MRTFB: variants seen among roughly 807,000 people sequenced by gnomAD.
The protein encoded by MRTFB is myocardin-related transcription factor B.
MRTFB carries 29 observed loss-of-function variants against 104.2 expected under a neutral mutation model. The observed-to-expected ratio is 0.28, with a 90% CI of 0.21 to 0.38. MRTFB has a LOEUF of 0.38. Among genes scored for constraint, MRTFB ranks in the 10% least tolerant of loss-of-function variants. MRTFB has a pLI of 1.00. For missense variants in MRTFB, 1,270 were observed against 1,341.6 expected (o/e 0.95, Z 0.83); for synonymous variants, 535 against 519.5 (o/e 1.03, Z -0.41).
Position 14,245,641 on chromosome 16 carries a change from C to G in MRTFB, c.1193C>G (p.Ser398Cys), listed in dbSNP as rs2042979898. 6.2e-7 allele frequency: 1 copy of G among 1,613,200 alleles called. No individual in the cohort carries two copies. Among genetic ancestry groups the G allele is most frequent in the Non-Finnish European group, 8.5e-7 (1 of 1,179,848 alleles). The change falls in exon 11 of 17, where the codon TCT (serine) becomes TGT (cysteine). Residue 398 changes from serine to cysteine, a missense_variant. This residue lies in a region of MRTFB where 1,144 missense variants were observed against 1,131.5 expected (regional missense o/e 1.01). Transcript: ENST00000571589. Reference sequence around the variant, plus strand: ...GTGAGAAAGCCAGGACCTCTGCCTTCTAGCCTGGATGACTTAAAGGTGACA... The same window carrying G: ...GTGAGAAAGCCAGGACCTCTGCCTTGTAGCCTGGATGACTTAAAGGTGACA... The part of the protein sequence containing the change: ...TPVRKPGPLP[S>C]SLDDLKVSEL...
intron 3 of MRTFB, among the ~76,000 whole-genome samples, chr16:14,175,066 G>A (rs939691043): frequency 6.6e-6 from 1 of 152,010 alleles, no homozygotes; most frequent in African/African-American, 2.4e-5. Context: ...TTAAAGTTTT[G>A]TAATAGTAAA....
intron 4 of MRTFB, among the ~76,000 whole-genome samples, chr16:14,210,832 C>T (rs752571041): frequency 1.8e-4 from 28 of 152,246 alleles, no homozygotes; most frequent in Non-Finnish European, 3.1e-4. Context: ...TCCCTTCTAT[C>T]CCTAGGGTTT....
chr16:14,003,648 C>G, the MRTFB span, among the ~76,000 whole-genome samples: 804 of 10,552 alleles, frequency 0.076, 2 homozygotes, highest in Non-Finnish European at 0.18. Flanking sequence ...CTGCCTCCCT[C>G]CCTCCCTCCC....
At chr16:14,209,451 C>T (rs1464718456) in intron 3 of MRTFB, among the ~76,000 whole-genome samples, 1 of 152,152 alleles carries the variant, frequency 6.6e-6, no homozygotes, top group African/African-American at 2.4e-5. Flanking sequence ...TTCAGAGTCA[C>T]CTCCTGTATT....
the MRTFB span, among the ~76,000 whole-genome samples, chr16:14,044,551 T>A: frequency 1.6e-4 from 24 of 152,344 alleles, no homozygotes; most frequent in African/African-American, 5.8e-4. Flanking sequence ...GTAGGAATTC[T>A]GTGTACCAGG....
chr16:14,179,701 G>A (rs565378586), intron 3 of MRTFB, among the ~76,000 whole-genome samples: 4 of 152,326 alleles, frequency 2.6e-5, no homozygotes, highest in South Asian at 2.1e-4. Context: ...TAGACTTAAC[G>A]ATAACTAAGG....
the MRTFB span, among the ~76,000 whole-genome samples, chr16:14,003,623 G>GGCCGGCCGGCCTGCCTGCCTGCCTGCCT: frequency 1.2e-5 from 1 of 85,392 alleles, no homozygotes. Flanking sequence ...GGGGCCGGCC[G>GGCCGGCCGGCCTGCCTGCCTGCCTGCCT]GCCTGCCTGC....
At chr16:14,011,451 G>T in the MRTFB span, among the ~76,000 whole-genome samples, 1 of 152,240 alleles carries the variant, frequency 6.6e-6, no homozygotes, top group Non-Finnish European at 1.5e-5. Flanking sequence ...GGCCAGGTCA[G>T]CTCAAGTGGG....
intron 3 of MRTFB, among the ~76,000 whole-genome samples, chr16:14,171,301 G>A (rs1426921630): frequency 6.6e-6 from 1 of 152,012 alleles, no homozygotes; most frequent in Non-Finnish European, 1.5e-5. Context: ...ACATAGTCTG[G>A]GCATGGTGCT....
At chr16:14,107,482 A>G (rs539511495) in intron 2 of MRTFB, among the ~76,000 whole-genome samples, 1 of 152,294 alleles carries the variant, frequency 6.6e-6, no homozygotes, top group Admixed American at 6.5e-5. Context: ...TTATTTCCAG[A>G]CAATAGTTTT....
At chr16:14,255,795 A>C (rs2043455065) in intron 15 of MRTFB, among the ~76,000 whole-genome samples, 1 of 151,384 alleles carries the variant, frequency 6.6e-6, no homozygotes, top group Non-Finnish European at 1.5e-5. Context: ...AATTTAAAAG[A>C]TTCAAGATAG....
At chr16:14,240,095 A>G (rs527569306) in intron 9 of MRTFB, 142 bp from the exon 10 acceptor site, 2 of 1,021,644 alleles carry the variant, frequency 2.0e-6, no homozygotes, top group Non-Finnish European at 2.8e-6. Context: ...TTTGAAACGA[A>G]TTTAGCATAT....
intron 3 of MRTFB, among the ~76,000 whole-genome samples, chr16:14,209,888 A>G (rs890493004): frequency 6.6e-6 from 1 of 152,204 alleles, no homozygotes; most frequent in Non-Finnish European, 1.5e-5. Context: ...GTGTCAAAGA[A>G]TTTCACGTCT....
At chr16:14,055,758 T>C in the MRTFB span, among the ~76,000 whole-genome samples, 1 of 152,184 alleles carries the variant, frequency 6.6e-6, no homozygotes, top group Non-Finnish European at 1.5e-5. Flanking sequence ...TTGATTAATG[T>C]GGTGTCTGCT....
In MRTFB at chr16:14,261,046, T is replaced by G; in HGVS notation, c.2902T>G (p.Leu968Val). 6.2e-7 allele frequency: 1 copy of G among 1,614,194 alleles called. No homozygotes were observed. Among genetic ancestry groups the G allele is most frequent in the Non-Finnish European group, 8.5e-7 (1 of 1,180,046 alleles). ...PQVQMAPPVS[L>V]EPMGSLSASL... ...AGTCCAAATGGCACCACCTGTATCT[T>G]TAGAACCTATGGGCAGTTTATCTGC... The change falls in exon 17 of 17, where the codon TTA becomes GTA. Residue 968 changes from leucine (L) to valine (V), a missense_variant. Leu to Val is a conservative substitution (Grantham distance 32). Coordinates refer to ENST00000571589, the MANE Select transcript of MRTFB (RefSeq NM_001308142.2).
At chr16:14,059,997 A>AT in the MRTFB span, among the ~76,000 whole-genome samples, 3,619 of 99,672 alleles carry the variant, frequency 0.036, 587 homozygotes, top group African/African-American at 0.089. Flanking sequence ...GAGACATGTA[A>AT]TTTTTTTTTT....
At chr16:14,037,949 C>T in the MRTFB span, among the ~76,000 whole-genome samples, 1 of 152,192 alleles carries the variant, frequency 6.6e-6, no homozygotes, top group African/African-American at 2.4e-5. Flanking sequence ...GTCATCTCTA[C>T]CTTTGGACCT....
At chr16:14,119,708 TA>T (rs2036742136) in intron 2 of MRTFB, among the ~76,000 whole-genome samples, 1 of 152,188 alleles carries the variant, frequency 6.6e-6, no homozygotes, top group African/African-American at 2.4e-5. Context: ...TATTTTTTTT[TA>T]AGTTTTAGTT....
intron 2 of MRTFB, among the ~76,000 whole-genome samples, chr16:14,092,101 G>C (rs892458907): frequency 1.3e-5 from 2 of 151,338 alleles, no homozygotes; most frequent in African/African-American, 4.9e-5. Flanking sequence ...GGATATGCAA[G>C]CCAAGTACAA....
Sources: gnomAD v4.1 joint callset for allele counts (sites outside exome capture counted in the v4.1 genomes callset) on GRCh38, gnomAD v4.1.1 for gene constraint, gnomAD v4.1.1 regional missense constraint, MANE v1.5 for transcripts, NCBI Gene and HGNC (gene_info 2026-07-23, HGNC 2026-07-21) for gene names.